FBXL20: variants seen among roughly 807,000 people sequenced by gnomAD.
The protein encoded by FBXL20 is F-box and leucine rich repeat protein 20, also known as F-box/LRR-repeat protein 20.
FBXL20 carries 11 observed loss-of-function variants against 64.0 expected under a neutral mutation model. That is an observed-to-expected ratio of 0.17 (90% CI 0.11 to 0.28). FBXL20 has a LOEUF of 0.28. FBXL20 is among the 10% of genes least tolerant of loss of function. The pLI is 1.00. For missense variants in FBXL20, 303 were observed against 526.2 expected (o/e 0.58, Z 4.15); for synonymous variants, 184 against 189.0 (o/e 0.97, Z 0.22).
intron 1 of FBXL20, among the ~76,000 whole-genome samples, chr17:39,370,528 T>C (rs1390090157): frequency 4.6e-5 from 7 of 150,732 alleles, no homozygotes; most frequent in African/African-American, 1.7e-4. Flanking sequence ...GGCTCACGCC[T>C]GTAATCCCAG....
chr17:39,314,004 T>C (rs2047261645), intron 2 of FBXL20, among the ~76,000 whole-genome samples: 1 of 152,162 alleles, frequency 6.6e-6, no homozygotes, highest in African/African-American at 2.4e-5. Context: ...ATATTCACAG[T>C]GTTGTGCAAC....
chr17:39,389,104 C>CAAAAAAA (rs752930971), intron 1 of FBXL20, among the ~76,000 whole-genome samples: 3 of 52,694 alleles, frequency 5.7e-5, no homozygotes, highest in Admixed American at 2.3e-4. Context: ...AACTCCATCT[C>CAAAAAAA]AAAAAAAAAA....
chr17:39,363,352 CCCTATGT>C (rs2047818643), intron 1 of FBXL20, among the ~76,000 whole-genome samples: 2 of 151,692 alleles, frequency 1.3e-5, no homozygotes, highest in African/African-American at 4.8e-5. Flanking sequence ...GACAGGGTCT[CCCTATGT>C]TGCCCAGGCT....
At chr17:39,333,406 C>T (rs575018046) in intron 2 of FBXL20, among the ~76,000 whole-genome samples, 2 of 152,230 alleles carry the variant, frequency 1.3e-5, no homozygotes, top group Admixed American at 6.5e-5. Flanking sequence ...CTCGGCCTCC[C>T]GAGGTGCCGG....
chr17:39,363,835 A>AAAAAAAAAAAAC (rs2047827874), intron 1 of FBXL20, among the ~76,000 whole-genome samples: 9 of 133,450 alleles, frequency 6.7e-5, no homozygotes, highest in African/African-American at 1.5e-4. Flanking sequence ...AACAAAAAAC[A>AAAAAAAAAAAAC]AAAAAAAAAA....
chr17:39,300,856 CTT>C (rs986502704), intron 4 of FBXL20, 143 bp downstream of exon 4: 28 of 674,606 alleles, frequency 4.2e-5, no homozygotes, highest in Admixed American at 3.0e-4. Flanking sequence ...CCCTTGGTAA[CTT>C]TGGGGGTTCC....
intron 13 of FBXL20, 126 bp downstream of exon 13, chr17:39,265,271 C>T: frequency 1.5e-6 from 1 of 664,160 alleles, no homozygotes; most frequent in Admixed American, 2.9e-5. Context: ...TCTCAGTAAG[C>T]TGGCAGTTTG....
chr17:39,369,692 C>T (rs1283390413), intron 1 of FBXL20, among the ~76,000 whole-genome samples: 2 of 152,016 alleles, frequency 1.3e-5, no homozygotes, highest in South Asian at 2.1e-4. Context: ...CTCTGTTGCC[C>T]AGGCTGTAGT....
At chr17:39,324,020 C>T (rs8082430) in intron 2 of FBXL20, among the ~76,000 whole-genome samples, 1 of 139,476 alleles carries the variant, frequency 7.2e-6, no homozygotes, top group Non-Finnish European at 1.5e-5. Context: ...CCCCTCCCCC[C>T]CCCACCCCCT....
In FBXL20 at chr17:39,329,357, T is replaced by C. The variant is rs562990695; in HGVS notation, c.104+13823A>G. On this transcript the variant is annotated intron_variant, in intron 2 of 14. Transcript: ENST00000264658. The stretch of plus-strand genomic sequence containing the variant: ...TGTCAATGTTGTGAAAGACAAAGAC[T>C]GAAAAATTGTTGCAGATTAAATACA... 2.0e-5 allele frequency among the ~76,000 whole-genome samples: 3 copies of C among 152,234 alleles called. No individual in the cohort carries two copies. In the South Asian group the frequency reaches 6.2e-4, roughly 32 times the overall value.
chr17:39,265,127 T>C (rs1417215809), intron 13 of FBXL20, among the ~76,000 whole-genome samples: 3 of 152,196 alleles, frequency 2.0e-5, no homozygotes, highest in South Asian at 4.1e-4. Context: ...ATCATTCAGG[T>C]TGGAGTATAA....
In FBXL20 at chr17:39,272,929, T is replaced by C. The variant is rs986355550; in HGVS notation, c.827+2041A>G. On this transcript the variant is annotated intron_variant, in intron 10 of 14. Transcript: ENST00000264658. Reference sequence around the variant, plus strand: ...AAGTGTAAGATATTCAGAGAGAAGTTTGATTACCTCCCCAGCTCTTGAGGA... The same window carrying C: ...AAGTGTAAGATATTCAGAGAGAAGTCTGATTACCTCCCCAGCTCTTGAGGA... 5.3e-5 allele frequency among the ~76,000 whole-genome samples: 8 copies of C among 152,242 alleles called. No homozygotes were observed. In the East Asian group the frequency reaches 5.8e-4, roughly 11 times the overall value.
intron 1 of FBXL20, among the ~76,000 whole-genome samples, chr17:39,345,615 A>T (rs2047625493): frequency 6.6e-6 from 1 of 152,026 alleles, no homozygotes; most frequent in Admixed American, 6.6e-5. Context: ...ATCTCAGATC[A>T]CTGCAACCTC....
chr17:39,354,233 C>T (rs1033582515), intron 1 of FBXL20, among the ~76,000 whole-genome samples: 5 of 152,162 alleles, frequency 3.3e-5, no homozygotes, highest in Admixed American at 1.3e-4. Context: ...AGTCTACCAA[C>T]GGGGAAAACA....
Position 39,385,504 on chromosome 17 carries a change from G to A in FBXL20, c.42+15857C>T, listed in dbSNP as rs1286907141. ...TTTCCAGTCTGAAATTAAACCACAG[G>A]CCTATTCCTATAACTGTCTTATTTT... is the stretch of plus-strand genomic sequence containing the variant. On this transcript the variant is annotated intron_variant, in intron 1 of 14. Coordinates refer to ENST00000264658, the MANE Select transcript of FBXL20 (RefSeq NM_032875.3). Among the ~76,000 whole-genome samples, 2 of 152,120 alleles carry A rather than the reference G, an allele frequency of 1.3e-5. 1 individual carries two copies. Among genetic ancestry groups the A allele is most frequent in the Admixed American group, 1.3e-4 (2 of 15,266 alleles).
At chr17:39,316,472 C>T (rs1352458305) in intron 2 of FBXL20, among the ~76,000 whole-genome samples, 1 of 152,170 alleles carries the variant, frequency 6.6e-6, no homozygotes, top group African/African-American at 2.4e-5. Flanking sequence ...AGAAAATGTA[C>T]GATGAGCCTG....
In FBXL20 at chr17:39,390,707, A is replaced by C. The variant is rs537261129; in HGVS notation, c.42+10654T>G. ...TCACCACTGCATTCCAACCTGGGTG[A>C]TAGATCAAGACCCTGTCTCAAACAA... On this transcript the variant is annotated intron_variant, in intron 1 of 14. Transcript: ENST00000264658. Among the ~76,000 whole-genome samples, 4 of 152,278 alleles carry C rather than the reference A, an allele frequency of 2.6e-5. No homozygotes were observed. In the South Asian group the frequency reaches 8.3e-4, roughly 32 times the overall value.
chr17:39,320,272 A>T (rs1024776110), intron 2 of FBXL20, among the ~76,000 whole-genome samples: 9 of 152,232 alleles, frequency 5.9e-5, no homozygotes, highest in Admixed American at 1.3e-4. Context: ...TTTGGTATCA[A>T]GTAAAAATAA....
intron 14 of FBXL20, among the ~76,000 whole-genome samples, chr17:39,262,716 C>T (rs570683304): frequency 2.0e-5 from 3 of 151,884 alleles, no homozygotes; most frequent in South Asian, 2.1e-4. Context: ...ACTTCTTTTT[C>T]GGCCGGGCGC....
Sources: allele counts gnomAD v4.1 joint callset (sites outside exome capture counted in the v4.1 genomes callset), GRCh38; gene constraint gnomAD v4.1.1; transcripts MANE v1.5; gene names NCBI Gene and HGNC (gene_info 2026-07-23, HGNC 2026-07-21).